The following PTPRM variants were observed in gnomAD, a reference collection of about 807,000 sequenced individuals.
PTPRM encodes protein tyrosine phosphatase receptor type M, also known as receptor-type tyrosine-protein phosphatase mu.
Under a neutral mutation model 186.7 loss-of-function variants are expected in PTPRM, and 47 were observed. The observed-to-expected ratio is 0.25, with a 90% CI of 0.20 to 0.32. PTPRM has a LOEUF of 0.32. PTPRM is among the 10% of genes least tolerant of loss of function. The pLI, the probability that PTPRM is intolerant of heterozygous loss-of-function variation, is 1.00. For synonymous variants in PTPRM, 668 were observed against 674.9 expected (o/e 0.99, Z 0.16); for missense variants, 1,494 against 1,865.0 (o/e 0.80, Z 3.66).
In PTPRM at chr18:7,568,472, G is replaced by T. The variant is rs1024081879; in HGVS notation, c.73+581G>T. 6.6e-6 allele frequency among the ~76,000 whole-genome samples: 1 copy of T among 151,964 alleles called. No individual in the cohort carries two copies. The highest frequency in any genetic ancestry group is 2.0e-4 in the East Asian group (1 of 5,128). On this transcript the variant is annotated intron_variant, in intron 1 of 32. Coordinates refer to ENST00000580170, the MANE Select transcript of PTPRM (RefSeq NM_001105244.2). This position sits in a 1 kb window ranked among gnomAD's most constrained non-coding sequence, Gnocchi z 5.1. The stretch of plus-strand genomic sequence containing the variant: ...CGGGAGGTCCCCGCGGTCGTGCAGC[G>T]TCTGCGGAGAGGCTGGGGGGAGTTC...
At chr18:8,119,803 C>G (rs2092102972) in intron 13 of PTPRM, among the ~76,000 whole-genome samples, 1 of 152,174 alleles carries the variant, frequency 6.6e-6, no homozygotes, top group Non-Finnish European at 1.5e-5. Flanking sequence ...ATTTAGAAGT[C>G]TGATCCACAG....
intron 19 of PTPRM, among the ~76,000 whole-genome samples, chr18:8,254,949 G>A (rs1231907275): frequency 6.6e-6 from 1 of 152,198 alleles, no homozygotes; most frequent in Non-Finnish European, 1.5e-5. Context: ...TCCAGACCGT[G>A]CTCCAGGGTT....
At chr18:7,648,802 C>T (rs951321126) in intron 1 of PTPRM, among the ~76,000 whole-genome samples, 9 of 152,280 alleles carry the variant, frequency 5.9e-5, no homozygotes, top group African/African-American at 2.2e-4. Flanking sequence ...GCAGCAAGTG[C>T]AGATGCAGAA....
At chr18:7,648,310 C>A (rs6650628) in intron 1 of PTPRM, among the ~76,000 whole-genome samples, 46,465 of 151,984 alleles carry the variant, frequency 0.31, 11,390 homozygotes, top group African/African-American at 0.67. Flanking sequence ...GGGCCTCCCT[C>A]TTTCCTGAGA....
intron 1 of PTPRM, among the ~76,000 whole-genome samples, chr18:7,638,569 T>C (rs1422871456): frequency 6.6e-6 from 1 of 152,234 alleles, no homozygotes; most frequent in Admixed American, 6.5e-5. Flanking sequence ...TGATTTTAAG[T>C]GCATTTTTAA....
At chr18:8,376,638 G>C in intron 26 of PTPRM, 41 bp downstream of exon 26, 1 of 1,584,616 alleles carries the variant, frequency 6.3e-7, no homozygotes, top group Non-Finnish European at 8.6e-7. Context: ...TTGGTCCCTG[G>C]GCTCCCTCCT....
intron 11 of PTPRM, among the ~76,000 whole-genome samples, chr18:8,102,396 A>G (rs989173502): frequency 3.3e-5 from 5 of 152,238 alleles, no homozygotes; most frequent in African/African-American, 7.2e-5. Context: ...ATTGGAGTCA[A>G]TCCTCTCAAA....
chr18:8,103,433 G>A (rs1023735482), intron 11 of PTPRM, among the ~76,000 whole-genome samples: 1 of 152,186 alleles, frequency 6.6e-6, no homozygotes, highest in Non-Finnish European at 1.5e-5. Flanking sequence ...TTGCTGCTTC[G>A]CTTTGTACTT....
At chr18:7,762,103 A>G (rs969261053) in intron 1 of PTPRM, among the ~76,000 whole-genome samples, 1 of 152,156 alleles carries the variant, frequency 6.6e-6, no homozygotes, top group Non-Finnish European at 1.5e-5. Context: ...TCCTTGTTCA[A>G]GGACCGCCCA....
At chr18:8,295,253 T>C (rs1568685989) in intron 19 of PTPRM, among the ~76,000 whole-genome samples, 3 of 152,116 alleles carry the variant, frequency 2.0e-5, no homozygotes. Flanking sequence ...GTTTACCTCA[T>C]GGGGGAGAGT....
intron 2 of PTPRM, among the ~76,000 whole-genome samples, chr18:7,805,562 A>G (rs1410733719): frequency 6.6e-6 from 1 of 152,246 alleles, no homozygotes; most frequent in African/African-American, 2.4e-5. Context: ...CAGTAGGTTG[A>G]GAAGCAATTT....
intron 1 of PTPRM, among the ~76,000 whole-genome samples, chr18:7,767,461 C>T (rs893555831): frequency 2.0e-5 from 3 of 152,088 alleles, no homozygotes; most frequent in African/African-American, 7.2e-5. Flanking sequence ...GTTGTTTTGT[C>T]TCCAGGCCTG....
chr18:7,891,397 G>A (rs774413851), intron 3 of PTPRM, among the ~76,000 whole-genome samples: 17 of 150,950 alleles, frequency 1.1e-4, no homozygotes, highest in African/African-American at 3.2e-4. Flanking sequence ...TTTCCCCAAC[G>A]TACATGTACT....
At chr18:8,152,672 A>G (rs1334287288) in intron 14 of PTPRM, among the ~76,000 whole-genome samples, 2 of 106,142 alleles carry the variant, frequency 1.9e-5, no homozygotes, top group Non-Finnish European at 4.0e-5. Context: ...CATATTTCCC[A>G]TATTTCCTTT....
chr18:8,097,679 AG>A (rs2091078341), intron 11 of PTPRM, among the ~76,000 whole-genome samples: 1 of 152,188 alleles, frequency 6.6e-6, no homozygotes. Context: ...GAGAATCAGG[AG>A]TGTCTTACTG....
chr18:8,221,773 A>G (rs1327039153), intron 14 of PTPRM, among the ~76,000 whole-genome samples: 2 of 152,306 alleles, frequency 1.3e-5, no homozygotes, highest in African/African-American at 2.4e-5. Context: ...TCCTCCTTAC[A>G]TATTTTAATT....
At chr18:8,392,681 G>T (rs1305651170) in intron 31 of PTPRM, among the ~76,000 whole-genome samples, 1 of 151,990 alleles carries the variant, frequency 6.6e-6, no homozygotes, top group African/African-American at 2.4e-5. Flanking sequence ...CAGAGTTGAT[G>T]CAGGGATAGT....
intron 7 of PTPRM, among the ~76,000 whole-genome samples, chr18:8,005,881 T>C (rs528700099): frequency 8.5e-5 from 13 of 152,260 alleles, no homozygotes; most frequent in Non-Finnish European, 1.9e-4. Context: ...TTTTTCCTGA[T>C]TAAAAATAAT....
At chr18:8,079,840 A>G (rs764161433) in intron 9 of PTPRM, among the ~76,000 whole-genome samples, 1 of 152,166 alleles carries the variant, frequency 6.6e-6, no homozygotes, top group Non-Finnish European at 1.5e-5. Context: ...AGGTCTGAGT[A>G]CAAACAGAAG....
Sources: gnomAD v4.1 joint callset for allele counts (sites outside exome capture counted in the v4.1 genomes callset) on GRCh38, gnomAD v4.1.1 for gene constraint, Gnocchi (gnomAD v3.1) non-coding constraint, MANE v1.5 for transcripts, NCBI Gene and HGNC (gene_info 2026-07-23, HGNC 2026-07-21) for gene names.